The following AKR1E2 variants were observed in gnomAD, a reference collection of about 807,000 sequenced individuals.
AKR1E2 encodes the protein 1,5-anhydro-D-fructose reductase.
Under a neutral mutation model 41.9 loss-of-function variants are expected in AKR1E2, and 43 were observed. The observed-to-expected ratio is 1.03, with a 90% CI of 0.80 to 1.32. AKR1E2 has a LOEUF of 1.32. Among genes scored for constraint, AKR1E2 ranks in the 40% most tolerant of loss-of-function variants. The pLI, the probability that AKR1E2 is intolerant of heterozygous loss-of-function variation, is 0.00. For missense variants in AKR1E2, 423 were observed against 396.5 expected, an observed-to-expected ratio of 1.07 and a Z score of -0.57; for synonymous variants, 121 against 138.9, an observed-to-expected ratio of 0.87 and a Z score of 0.91.
chr10:4,853,871 T>C, the AKR1E2 span, among the ~76,000 whole-genome samples: 1 of 152,140 alleles, frequency 6.6e-6, no homozygotes, highest in South Asian at 2.1e-4. Flanking sequence ...AAAACCAAGA[T>C]GGCGATGAGA....
chr10:4,868,900 G>A, the AKR1E2 span, among the ~76,000 whole-genome samples: 4 of 151,964 alleles, frequency 2.6e-5, no homozygotes, highest in Admixed American at 2.6e-4. Flanking sequence ...TGGTTTTTGT[G>A]TATAATTCTT....
chr10:4,834,342 C>T (rs901937983), intron 3 of AKR1E2, among the ~76,000 whole-genome samples: 1 of 152,204 alleles, frequency 6.6e-6, no homozygotes, highest in Non-Finnish European at 1.5e-5. Context: ...TTAACTAAGG[C>T]TTTGTATCTA....
At chr10:4,849,027 G>A (rs553499691), downstream of AKR1E2, among the ~76,000 whole-genome samples, 1 of 152,320 alleles carries the variant, frequency 6.6e-6, no homozygotes, top group African/African-American at 2.4e-5. Flanking sequence ...GATGTGCAGG[G>A]ATGTGTAGAA....
At chr10:4,830,122 G>T (rs973920652) in intron 1 of AKR1E2, among the ~76,000 whole-genome samples, 3 of 152,146 alleles carry the variant, frequency 2.0e-5, no homozygotes, top group Admixed American at 2.0e-4. Flanking sequence ...TAATGAGACT[G>T]CAAACCCGCC....
At chr10:4,857,258 C>T in the AKR1E2 span, among the ~76,000 whole-genome samples, 5,034 of 152,262 alleles carry the variant, frequency 0.033, 131 homozygotes, top group East Asian at 0.064. Context: ...ATTGTAATCC[C>T]CAGTGTTGGA....
At chr10:4,869,000 T>C in the AKR1E2 span, among the ~76,000 whole-genome samples, 1 of 152,198 alleles carries the variant, frequency 6.6e-6, no homozygotes, top group Non-Finnish European at 1.5e-5. Flanking sequence ...GTTTTATTTC[T>C]TTCTTCCTTT....
chr10:4,833,387 CAG>C lies in AKR1E2; in HGVS notation c.246_247del (p.Ala83MetfsTer37). 6.2e-7 allele frequency: 1 copy of C among 1,614,180 alleles called. No individual in the cohort carries two copies. Among genetic ancestry groups the C allele is most frequent in the African/African-American group, 1.3e-5 (1 of 75,042 alleles). On this transcript the variant is annotated frameshift_variant, in exon 3 of 10. Coordinates refer to ENST00000298375, the MANE Select transcript of AKR1E2 (RefSeq NM_001040177.3). LOFTEE classifies it high-confidence loss of function. Reference sequence around the variant, plus strand: ...TGCCATAAGAAGTCCTTGGTGGAAACAGCATGCAGAAAGAGTCTCAAGGCCTT... The same window carrying C: ...TGCCATAAGAAGTCCTTGGTGGAAACCATGCAGAAAGAGTCTCAAGGCCTT...
rs61739957 is a variant in AKR1E2 at position 4,837,510 on chromosome 10, A to G, written c.511A>G (p.Asn171Asp). The G allele has an allele frequency of 1.9e-6, 3 of 1,614,070 alleles. No homozygotes were observed. The highest frequency in any genetic ancestry group is 2.7e-5 in the African/African-American group (2 of 74,922). Residue 171 changes from asparagine (N) to aspartate (D), a missense_variant, in exon 5 of 10, where the codon AAC (asparagine) becomes GAC (aspartate). Asn to Asp is a conservative substitution (Grantham distance 23). Coordinates refer to ENST00000298375, the MANE Select transcript of AKR1E2 (RefSeq NM_001040177.3). Reference sequence around the variant, plus strand: ...GCTGGTGAAGAACATCGGGGTGTCAAACTTCAACCATGAACAGCTTGAGAG... The same window carrying G: ...GCTGGTGAAGAACATCGGGGTGTCAGACTTCAACCATGAACAGCTTGAGAG... ...TGLVKNIGVS[N>D]FNHEQLERLL... is the part of the protein sequence containing the mutation.
rs148271194 is a variant in AKR1E2 at position 4,836,273 on chromosome 10, C to T, written c.459+464C>T. ...CAGGCTGGGGAGGTGAGACCAGTGT[C>T]GGGGAAGGTTACCAAGTGTCAGCCC... On this transcript the variant is annotated intron_variant, in intron 4 of 9. Transcript: ENST00000298375. Among the ~76,000 whole-genome samples the T allele has an allele frequency of 1.4e-3, 213 of 152,138 alleles. 1 individual carries two copies. The highest frequency in any genetic ancestry group is 4.2e-3 in the African/African-American group (176 of 41,526).
the AKR1E2 span, among the ~76,000 whole-genome samples, chr10:4,865,719 G>A: frequency 2.6e-5 from 4 of 152,168 alleles, no homozygotes; most frequent in East Asian, 3.8e-4. Context: ...GTCTCCTAGA[G>A]ATAATCGGTA....
At chr10:4,841,247 CTG>C (rs1564270718) in intron 6 of AKR1E2, among the ~76,000 whole-genome samples, 1 of 152,322 alleles carries the variant, frequency 6.6e-6, no homozygotes, top group East Asian at 1.9e-4. Context: ...CGTTAAAAAA[CTG>C]AATCCTCAGA....
chr10:4,865,300 C>A, the AKR1E2 span, among the ~76,000 whole-genome samples: 1 of 152,074 alleles, frequency 6.6e-6, no homozygotes, highest in Admixed American at 6.6e-5. Context: ...ATACTAGTAA[C>A]TAACAATTAT....
the AKR1E2 span, among the ~76,000 whole-genome samples, chr10:4,859,990 T>G: frequency 6.6e-6 from 1 of 152,358 alleles, no homozygotes; most frequent in South Asian, 2.1e-4. Flanking sequence ...GTGAGCCATC[T>G]TAGCTCCTGA....
upstream of AKR1E2, among the ~76,000 whole-genome samples, chr10:4,825,813 C>A (rs995844743): frequency 6.6e-6 from 1 of 152,194 alleles, no homozygotes; most frequent in Non-Finnish European, 1.5e-5. Flanking sequence ...CCGGCCATGG[C>A]GAGGCCCTGG....
chr10:4,853,785 CA>C, the AKR1E2 span, among the ~76,000 whole-genome samples: 1 of 152,172 alleles, frequency 6.6e-6, no homozygotes, highest in African/African-American at 2.4e-5. Flanking sequence ...TTCTAAGTCA[CA>C]GGATGAGATA....
chr10:4,836,702 G>T (rs1466874394), intron 4 of AKR1E2, among the ~76,000 whole-genome samples: 1 of 152,186 alleles, frequency 6.6e-6, no homozygotes, highest in Non-Finnish European at 1.5e-5. Context: ...GGGCCCATGG[G>T]CCTCAACTCT....
intron 5 of AKR1E2, among the ~76,000 whole-genome samples, chr10:4,838,909 T>C (rs928988992): frequency 2.0e-4 from 30 of 152,152 alleles, no homozygotes; most frequent in African/African-American, 6.3e-4. Flanking sequence ...TTCTGTTAGG[T>C]TGATGGACAC....
intron 5 of AKR1E2, among the ~76,000 whole-genome samples, chr10:4,838,561 G>T (rs537305834): frequency 6.6e-6 from 1 of 152,170 alleles, no homozygotes; most frequent in South Asian, 2.1e-4. Context: ...GCAGAAAAGT[G>T]TGTGAATCAT....
chr10:4,832,116 G>T (rs1343268574), intron 2 of AKR1E2, among the ~76,000 whole-genome samples: 2 of 29,300 alleles, frequency 6.8e-5, no homozygotes, highest in Non-Finnish European at 4.4e-4. Context: ...TTTGGAAGCA[G>T]AATGTAAGAC....
Sources: allele counts gnomAD v4.1 joint callset (sites outside exome capture counted in the v4.1 genomes callset), GRCh38; gene constraint gnomAD v4.1.1; transcripts MANE v1.5; gene names NCBI Gene and HGNC (gene_info 2026-07-23, HGNC 2026-07-21).